The following TULP4 variants were observed in gnomAD, a reference collection of about 807,000 sequenced individuals.
The protein encoded by TULP4 is TUB like protein 4.
TULP4 carries 16 observed loss-of-function variants against 129.0 expected under a neutral mutation model. The ratio of observed to expected loss-of-function variants is 0.12; its 90% CI spans 0.08 to 0.19. The LOEUF (loss-of-function observed/expected upper bound fraction) is 0.19, where lower values mean the gene tolerates loss of function less well. Among genes scored for constraint, TULP4 ranks in the 10% least tolerant of loss-of-function variants. The probability of loss-of-function intolerance (pLI) is 1.00; values close to 1 mark genes in which losing one functional copy is unlikely to be tolerated. For synonymous variants in TULP4, 998 were observed against 854.0 expected, an observed-to-expected ratio of 1.17 and a Z score of -2.94; for missense variants, 1,842 against 2,059.1, an observed-to-expected ratio of 0.89 and a Z score of 2.04.
chr6:158,365,736 G>C (rs1239543232), intron 1 of TULP4, among the ~76,000 whole-genome samples: 1 of 151,766 alleles, frequency 6.6e-6, no homozygotes, highest in African/African-American at 2.4e-5. Context: ...CTCCCAAAAT[G>C]CTGGGATTAC....
At position 158,434,359 on chromosome 6, in the gene TULP4, A is replaced by C. The variant is rs533456560; in HGVS notation, c.543+4462A>C. Among the ~76,000 whole-genome samples the C allele has an allele frequency of 4.6e-5, 7 of 152,358 alleles. No individual in the cohort carries two copies. In the South Asian group the frequency reaches 1.4e-3, roughly 32 times the overall value. On this transcript the variant is annotated intron_variant, in intron 3 of 13. Coordinates refer to ENST00000367097, the MANE Select transcript of TULP4 (RefSeq NM_020245.5). ...TGATAAACTTAGGATATATTTGTAA[A>C]TAGAACAGGTTTTATAGGGCTTGGG... is the stretch of plus-strand genomic sequence containing the variant.
intron 13 of TULP4, among the ~76,000 whole-genome samples, chr6:158,505,015 T>G (rs1195455122): frequency 6.6e-6 from 1 of 152,208 alleles, no homozygotes; most frequent in African/African-American, 2.4e-5. Flanking sequence ...CTTAGTTACA[T>G]TTCCTTTTTT....
chr6:158,250,081 C>T (rs1284121458), intron 1 of TULP4, among the ~76,000 whole-genome samples: 2 of 152,098 alleles, frequency 1.3e-5, no homozygotes, highest in Admixed American at 6.6e-5. Flanking sequence ...AGTGATCCTT[C>T]CACCTTGGCC....
At chr6:158,367,786 A>G (rs1364407720) in intron 1 of TULP4, among the ~76,000 whole-genome samples, 1 of 152,094 alleles carries the variant, frequency 6.6e-6, no homozygotes, top group Non-Finnish European at 1.5e-5. Context: ...CACACCTACA[A>G]TCCCAGCACT....
chr6:158,399,832 C>T lies in TULP4; in HGVS notation c.253-13233C>T, dbSNP rs1485461526. Among the ~76,000 whole-genome samples, 3 of 152,332 alleles carry T rather than the reference C, an allele frequency of 2.0e-5. No homozygotes were observed. The East Asian group carries it at 5.8e-4, about 29-fold the overall frequency. On this transcript the variant is annotated intron_variant, in intron 1 of 13. Transcript: ENST00000367097. ...TCAGACCCCATCCTTGGAACTCTTA[C>T]ACTGTACTCAAAGTTCTTTAGCATT...
At chr6:158,446,038 G>T (rs1318012696) in intron 3 of TULP4, among the ~76,000 whole-genome samples, 1 of 152,110 alleles carries the variant, frequency 6.6e-6, no homozygotes, top group African/African-American at 2.4e-5. Context: ...CCAACATTAG[G>T]GAGCAGAAGC....
At position 158,461,227 on chromosome 6, in the gene TULP4, C is replaced by T. The variant is rs151212048; in HGVS notation, c.860-336C>T. Among the ~76,000 whole-genome samples the T allele has an allele frequency of 2.3e-3, 354 of 152,268 alleles. 1 individual carries two copies. The highest frequency in any genetic ancestry group is 7.9e-3 in the African/African-American group (328 of 41,558). On this transcript the variant is annotated intron_variant, in intron 5 of 13. Coordinates refer to ENST00000367097, the MANE Select transcript of TULP4 (RefSeq NM_020245.5). ...GGGAGTTCGAGACCAGCCTGACCAA[C>T]ATGGAGAAATCCCATCTCTACTACA...
intron 3 of TULP4, among the ~76,000 whole-genome samples, chr6:158,437,508 C>T (rs1025630371): frequency 2.6e-5 from 4 of 151,904 alleles, no homozygotes; most frequent in African/African-American, 9.7e-5. Context: ...CTGCAGTGAG[C>T]TGTGATAGCT....
intron 1 of TULP4, among the ~76,000 whole-genome samples, chr6:158,378,493 G>T (rs868493713): frequency 9.9e-6 from 1 of 101,246 alleles, no homozygotes; most frequent in Non-Finnish European, 2.0e-5. Context: ...TTTGGTGGGG[G>T]TGGGGGTGGG....
intron 2 of TULP4, among the ~76,000 whole-genome samples, chr6:158,420,230 ACAAAAT>A (rs1168990545): frequency 6.6e-6 from 1 of 152,264 alleles, no homozygotes; most frequent in Non-Finnish European, 1.5e-5. Context: ...ATTTCAAATA[ACAAAAT>A]ATCATTCTTC....
chr6:158,438,952 A>G (rs1412619543), intron 3 of TULP4, among the ~76,000 whole-genome samples: 1 of 152,146 alleles, frequency 6.6e-6, no homozygotes, highest in African/African-American at 2.4e-5. Context: ...CGGGGGAATC[A>G]CAAGGTCAGG....
rs535814004 is a variant in TULP4, at chr6:158,494,760, A to G, written c.1784A>G (p.Tyr595Cys). ...FPFEDITQHN[Y>C]LAQVTSNIWG... ...CTTTTCTTCCTACCGCAGCACAACT[A>G]TCTTGCTCAGGTCACGTCTAATATC... is the stretch of plus-strand genomic sequence containing the variant. Residue 595 changes from tyrosine to cysteine, a missense_variant, in exon 11 of 14, where the codon TAT becomes TGT. This residue lies in a region of TULP4 where 456 missense variants were observed against 534.3 expected (regional missense o/e 0.85). Coordinates refer to ENST00000367097, the MANE Select transcript of TULP4 (RefSeq NM_020245.5). The G allele has an allele frequency of 1.1e-5, 17 of 1,613,520 alleles. No individual in the cohort carries two copies. In the African/African-American group the frequency reaches 1.5e-4, roughly 14 times the overall value.
chr6:158,265,567 A>T (rs1336474618), intron 1 of TULP4, among the ~76,000 whole-genome samples: 2 of 152,030 alleles, frequency 1.3e-5, no homozygotes, highest in Non-Finnish European at 2.9e-5. Context: ...CTGTAGTCCC[A>T]GCTACTTGGG....
Position 158,493,689 on chromosome 6 carries a change from G to A in TULP4, c.1748G>A (p.Arg583Lys). The A allele has an allele frequency of 6.3e-7, 1 of 1,591,810 alleles. No individual in the cohort carries two copies. Among genetic ancestry groups the A allele is most frequent in the Non-Finnish European group, 8.5e-7 (1 of 1,169,966 alleles). Residue 583 changes from arginine to lysine, a missense_variant, in exon 10 of 14, where the codon AGA (arginine) becomes AAA (lysine). By Grantham distance (26) the Arg-to-Lys change is conservative. Transcript: ENST00000367097. This position sits in a 1 kb window ranked among gnomAD's most constrained non-coding sequence, Gnocchi z 4.4. ...GTGGGCTCGCCCAGCCTGACTCGGA[G>A]AGAGTTTCCTTTTGAAGACATCACT... ...PSVGSPSLTR[R>K]EFPFEDITQH...
At chr6:158,247,384 A>G (rs972203131) in intron 1 of TULP4, among the ~76,000 whole-genome samples, 7 of 152,254 alleles carry the variant, frequency 4.6e-5, no homozygotes, top group Non-Finnish European at 1.0e-4. Flanking sequence ...TGTTTCAGCT[A>G]TTGATCCAGC....
At chr6:158,318,751 A>T (rs1393985475) in intron 1 of TULP4, among the ~76,000 whole-genome samples, 1 of 151,932 alleles carries the variant, frequency 6.6e-6, no homozygotes, top group Admixed American at 6.6e-5. Context: ...TTTCAGACAG[A>T]GCTTCGCTCT....
At chr6:158,274,842 G>T in intron 1 of TULP4, among the ~76,000 whole-genome samples, 1 of 152,112 alleles carries the variant, frequency 6.6e-6, no homozygotes, top group East Asian at 1.9e-4. Flanking sequence ...TAAAATATAA[G>T]CCCCTTTCTG....
intron 1 of TULP4, among the ~76,000 whole-genome samples, chr6:158,377,835 T>C (rs1237240873): frequency 6.6e-6 from 1 of 152,202 alleles, no homozygotes; most frequent in Non-Finnish European, 1.5e-5. Context: ...GGTTATATAT[T>C]GTAATATGAG....
At chr6:158,280,523 G>A (rs1002795678), upstream of TULP4, among the ~76,000 whole-genome samples, 1 of 152,226 alleles carries the variant, frequency 6.6e-6, no homozygotes. Context: ...CATGCCAAAG[G>A]AGAAAACTGG....
Sources: gnomAD v4.1 joint callset for allele counts (sites outside exome capture counted in the v4.1 genomes callset) on GRCh38, gnomAD v4.1.1 for gene constraint, gnomAD v4.1.1 regional missense constraint, Gnocchi (gnomAD v3.1) non-coding constraint, MANE v1.5 for transcripts, NCBI Gene and HGNC (gene_info 2026-07-23, HGNC 2026-07-21) for gene names.